TMEM132B: variants seen among roughly 807,000 people sequenced by gnomAD.
TMEM132B encodes transmembrane protein 132B.
Under a neutral mutation model 90.8 loss-of-function variants are expected in TMEM132B, and 18 were observed. That is an observed-to-expected ratio of 0.20 (90% CI 0.14 to 0.29). TMEM132B has a LOEUF of 0.29. Ranked by LOEUF, TMEM132B falls within the 10% of genes least tolerant of loss-of-function variation. TMEM132B has a pLI of 1.00. For missense variants in TMEM132B, 1,096 were observed against 1,326.8 expected, an observed-to-expected ratio of 0.83 and a Z score of 2.70; for synonymous variants, 504 against 523.3, an observed-to-expected ratio of 0.96 and a Z score of 0.50.
At chr12:125,420,702 A>C (rs1316947709) in intron 3 of TMEM132B, among the ~76,000 whole-genome samples, 3 of 152,200 alleles carry the variant, frequency 2.0e-5, no homozygotes, top group Non-Finnish European at 4.4e-5. Context: ...TTCTCCTCAG[A>C]AAATGGGTTT....
chr12:125,480,211 GA>G (rs1354110763), intron 3 of TMEM132B, among the ~76,000 whole-genome samples: 2 of 152,120 alleles, frequency 1.3e-5, no homozygotes, highest in African/African-American at 4.8e-5. Flanking sequence ...AGAGAAGCAA[GA>G]GCAAACAAAT....
intron 3 of TMEM132B, among the ~76,000 whole-genome samples, chr12:125,416,297 C>T (rs1237403977): frequency 6.6e-6 from 1 of 152,186 alleles, no homozygotes; most frequent in Non-Finnish European, 1.5e-5. Flanking sequence ...CTGTTTTCTT[C>T]TTGTTTCATT....
intron 4 of TMEM132B, among the ~76,000 whole-genome samples, chr12:125,555,411 G>A (rs570812486): frequency 6.6e-6 from 1 of 151,158 alleles, no homozygotes; most frequent in Admixed American, 6.6e-5. Context: ...AGATTCTTGA[G>A]AATCAGTCTG....
intron 1 of TMEM132B, among the ~76,000 whole-genome samples, chr12:125,306,704 C>A (rs1413722314): frequency 2.6e-5 from 4 of 152,240 alleles, no homozygotes; most frequent in Non-Finnish European, 4.4e-5. Context: ...GCAGTGGCCT[C>A]CTCCTTTGTC....
chr12:125,623,853 G>T (rs1886169331), intron 5 of TMEM132B, among the ~76,000 whole-genome samples: 1 of 152,174 alleles, frequency 6.6e-6, no homozygotes, highest in Non-Finnish European at 1.5e-5. Context: ...CTCACCTTCA[G>T]TGTGAACTCT....
chr12:125,585,264 C>T (rs1218323648), intron 5 of TMEM132B: 2 of 152,180 alleles, frequency 1.3e-5, no homozygotes, highest in Non-Finnish European at 2.9e-5. Context: ...TGGCTTAAAA[C>T]CTGCACACAT....
Position 125,235,707 on chromosome 12 carries a change from C to T in TMEM132B, c.67+48841C>T, listed in dbSNP as rs1411812039. On this transcript the variant is annotated intron_variant, in intron 1 of 8. Transcript: ENST00000682704. ...TTTGGGTATTTTATGTAAATTGACT[C>T]GTACAAATATGTGACCCTTTGTGTC... Among the ~76,000 whole-genome samples, 5 of 151,632 alleles carry T rather than the reference C, an allele frequency of 3.3e-5. No individual in the cohort carries two copies. In the East Asian group the frequency reaches 9.6e-4, roughly 29 times the overall value.
intron 1 of TMEM132B, among the ~76,000 whole-genome samples, chr12:125,239,167 A>C (rs1222595956): frequency 6.6e-6 from 1 of 152,068 alleles, no homozygotes; most frequent in Non-Finnish European, 1.5e-5. Flanking sequence ...GAGAGAAAGA[A>C]AGATGAGATG....
At chr12:125,223,796 T>C (rs1873615061) in intron 1 of TMEM132B, among the ~76,000 whole-genome samples, 1 of 152,194 alleles carries the variant, frequency 6.6e-6, no homozygotes, top group Non-Finnish European at 1.5e-5. Flanking sequence ...ATAATATTTT[T>C]TTTTTTCAGA....
intron 4 of TMEM132B, among the ~76,000 whole-genome samples, chr12:125,583,520 A>T (rs1885104053): frequency 6.6e-6 from 1 of 152,118 alleles, no homozygotes; most frequent in African/African-American, 2.4e-5. Context: ...AAAAATACTG[A>T]AAGGAACTCG....
chr12:125,286,682 T>C (rs1875364816), intron 1 of TMEM132B, among the ~76,000 whole-genome samples: 1 of 152,110 alleles, frequency 6.6e-6, no homozygotes, highest in Non-Finnish European at 1.5e-5. Context: ...GCTGTGTTCC[T>C]TCTGAGGCTC....
intron 4 of TMEM132B, among the ~76,000 whole-genome samples, chr12:125,545,299 C>T (rs58046914): frequency 0.018 from 2,802 of 152,240 alleles, 55 homozygotes; most frequent in African/African-American, 0.052. Flanking sequence ...TTTGTGGCTG[C>T]GATAAACCTT....
chr12:125,345,381 C>G (rs1411473018), intron 1 of TMEM132B, among the ~76,000 whole-genome samples: 2 of 152,112 alleles, frequency 1.3e-5, no homozygotes, highest in African/African-American at 4.8e-5. Flanking sequence ...CACATTGTAC[C>G]ATCTTGGGGT....
At chr12:125,449,246 C>T (rs935832768) in intron 3 of TMEM132B, among the ~76,000 whole-genome samples, 29 of 152,078 alleles carry the variant, frequency 1.9e-4, no homozygotes, top group Non-Finnish European at 3.8e-4. Flanking sequence ...GGATTACAGG[C>T]GTGAGCCACC....
intron 5 of TMEM132B, among the ~76,000 whole-genome samples, chr12:125,618,029 G>C (rs1276236613): frequency 6.6e-6 from 1 of 151,842 alleles, no homozygotes; most frequent in South Asian, 2.1e-4. Flanking sequence ...GGTCCATAAA[G>C]ACTGAGTTCC....
rs547843685 is a variant in TMEM132B, at chr12:125,465,042, A to T, written c.1106+49365A>T. On this transcript the variant is annotated intron_variant, in intron 3 of 8. Coordinates refer to ENST00000682704, the MANE Select transcript of TMEM132B (RefSeq NM_001366854.1). ...CACTTGTGAAAGAGGAACATTTCCA[A>T]ACTATTTTTTGGAGGTATGATAATT... Among the ~76,000 whole-genome samples, 7 of 152,322 alleles carry T rather than the reference A, an allele frequency of 4.6e-5. No individual in the cohort carries two copies. In the East Asian group the frequency reaches 1.4e-3, roughly 29 times the overall value.
intron 1 of TMEM132B, among the ~76,000 whole-genome samples, chr12:125,230,670 ATT>A (rs745549329): frequency 1.6e-5 from 2 of 127,918 alleles, no homozygotes; most frequent in Non-Finnish European, 1.7e-5. Flanking sequence ...TTTTGTGTGT[ATT>A]TTTTTTTTTT....
intron 3 of TMEM132B, among the ~76,000 whole-genome samples, chr12:125,495,116 C>A (rs1219146597): frequency 2.5e-5 from 3 of 119,776 alleles, no homozygotes; most frequent in African/African-American, 6.6e-5. Context: ...TCCTCCCCCT[C>A]CTCCCTGAAA....
At chr12:125,544,930 C>CA (rs5801607) in intron 4 of TMEM132B, among the ~76,000 whole-genome samples, 19,328 of 152,194 alleles carry the variant, frequency 0.13, 1,305 homozygotes, top group South Asian at 0.18. Context: ...CAATAGTAAT[C>CA]AAGCCATGAC....
Sources: allele counts gnomAD v4.1 joint callset (sites outside exome capture counted in the v4.1 genomes callset), GRCh38; gene constraint gnomAD v4.1.1; transcripts MANE v1.5; gene names NCBI Gene and HGNC (gene_info 2026-07-23, HGNC 2026-07-21).